The following ADK variants were observed in gnomAD, a reference collection of about 807,000 sequenced individuals.
ADK encodes the protein adenosine kinase.
A neutral mutation model predicts 44.7 loss-of-function variants in ADK; 24 were observed. The observed-to-expected ratio is 0.54, with a 90% CI of 0.39 to 0.76. The LOEUF is 0.76. ADK is among the 30% of genes least tolerant of loss of function. The probability of loss-of-function intolerance (pLI) is 0.00; values close to 1 mark genes in which losing one functional copy is unlikely to be tolerated. For missense variants in ADK, 321 were observed against 425.1 expected (o/e 0.76, Z 2.15); for synonymous variants, 128 against 142.6 (o/e 0.90, Z 0.73).
At chr10:74,230,100 C>G (rs1181540555) in intron 3 of ADK, among the ~76,000 whole-genome samples, 3 of 138,532 alleles carry the variant, frequency 2.2e-5, no homozygotes, top group African/African-American at 8.2e-5. Flanking sequence ...ATCTGTAAAG[C>G]TAATAGAAAA....
chr10:74,161,044 T>C (rs1373413672), intron 1 of ADK, among the ~76,000 whole-genome samples: 2 of 152,214 alleles, frequency 1.3e-5, no homozygotes, highest in African/African-American at 4.8e-5. Context: ...TGACTGTTTG[T>C]ACTTTATACT....
intron 10 of ADK, among the ~76,000 whole-genome samples, chr10:74,678,941 C>T (rs1855501879): frequency 6.6e-6 from 1 of 152,156 alleles, no homozygotes; most frequent in South Asian, 2.1e-4. Flanking sequence ...GCTTTTACTG[C>T]ATAACTAACC....
At chr10:74,678,330 T>C (rs1219575114) in intron 10 of ADK, among the ~76,000 whole-genome samples, 1 of 152,122 alleles carries the variant, frequency 6.6e-6, no homozygotes, top group Non-Finnish European at 1.5e-5. Context: ...TCATAAACAC[T>C]GTCTATGATT....
At chr10:74,601,604 C>T (rs1054215042) in intron 9 of ADK, among the ~76,000 whole-genome samples, 8 of 151,906 alleles carry the variant, frequency 5.3e-5, no homozygotes, top group Non-Finnish European at 1.0e-4. Context: ...TGAAGCTAGA[C>T]AGTGGATATA....
chr10:74,501,212 G>A (rs556713059), intron 6 of ADK, among the ~76,000 whole-genome samples: 1 of 152,286 alleles, frequency 6.6e-6, no homozygotes, highest in South Asian at 2.1e-4. Flanking sequence ...AAAAATCACT[G>A]TTTTGTGTTC....
chr10:74,673,152 G>T (rs1324028278), intron 10 of ADK, among the ~76,000 whole-genome samples: 2 of 152,186 alleles, frequency 1.3e-5, no homozygotes, highest in African/African-American at 2.4e-5. Flanking sequence ...AGGTAAGATT[G>T]TTGAGGAAAA....
At chr10:74,366,083 A>G (rs974553648) in intron 4 of ADK, among the ~76,000 whole-genome samples, 2 of 152,198 alleles carry the variant, frequency 1.3e-5, no homozygotes, top group African/African-American at 2.4e-5. Context: ...TAACCAAGAA[A>G]TACCTTTTAA....
chr10:74,359,028 G>A (rs1842235100), intron 4 of ADK, among the ~76,000 whole-genome samples: 1 of 151,842 alleles, frequency 6.6e-6, no homozygotes, highest in Non-Finnish European at 1.5e-5. Context: ...CTTGACTCCT[G>A]GCTTCAAGCA....
chr10:74,659,813 C>A (rs1339039861), intron 9 of ADK, among the ~76,000 whole-genome samples: 1 of 152,100 alleles, frequency 6.6e-6, no homozygotes, highest in Non-Finnish European at 1.5e-5. Context: ...TGTTTTTCTG[C>A]CTGCTTTATA....
rs35499084 is a variant in ADK at position 74,157,716 on chromosome 10, T to TAA, written c.65+6391_65+6392dup. Among the ~76,000 whole-genome samples the TAA allele has an allele frequency of 4.6e-3, 620 of 133,900 alleles. 2 individuals are homozygous for TAA. The highest frequency in any genetic ancestry group is 9.7e-3 in the African/African-American group (351 of 36,298). 87.8% of individuals were successfully genotyped at this position (133,900 alleles called of 152,430 possible). On this transcript the variant is annotated intron_variant, in intron 1 of 10. Coordinates refer to ENST00000539909, the MANE Select transcript of ADK (RefSeq NM_006721.4). ...CAACATGGAGAAACTCCATCTTTAC[T>TAA]AAAAAAAAAAAAAAAAAAATACAAA...
chr10:74,635,776 A>G (rs983844089), intron 9 of ADK, among the ~76,000 whole-genome samples: 2 of 152,106 alleles, frequency 1.3e-5, no homozygotes, highest in African/African-American at 2.4e-5. Flanking sequence ...TGTATGTGTC[A>G]TACCTCAATT....
chr10:74,201,006 G>A (rs1843357466), intron 2 of ADK, among the ~76,000 whole-genome samples, 168 bp downstream of exon 2: 1 of 152,158 alleles, frequency 6.6e-6, no homozygotes, highest in Non-Finnish European at 1.5e-5. Context: ...GAATAACTGA[G>A]TACAGTTTTC....
intron 3 of ADK, among the ~76,000 whole-genome samples, chr10:74,296,228 T>A (rs1236546848): frequency 6.6e-6 from 1 of 152,064 alleles, no homozygotes; most frequent in Non-Finnish European, 1.5e-5. Flanking sequence ...AGAAGACAAA[T>A]TACAAACTTG....
At chr10:74,516,365 A>G (rs11812834) in intron 6 of ADK, among the ~76,000 whole-genome samples, 4,540 of 151,982 alleles carry the variant, frequency 0.03, 194 homozygotes, top group African/African-American at 0.092. Context: ...TCTTCATTCT[A>G]TCAGTGCACC....
chr10:74,671,502 A>G (rs1045855282), intron 10 of ADK, among the ~76,000 whole-genome samples: 4 of 152,186 alleles, frequency 2.6e-5, no homozygotes, highest in Non-Finnish European at 4.4e-5. Flanking sequence ...ACAACATTCT[A>G]CTTCACTGTT....
intron 7 of ADK, among the ~76,000 whole-genome samples, chr10:74,528,450 A>G (rs1343079207): frequency 1.3e-5 from 2 of 151,930 alleles, no homozygotes; most frequent in Non-Finnish European, 2.9e-5. Context: ...TGATGATATC[A>G]AAACAATCTT....
intron 3 of ADK, among the ~76,000 whole-genome samples, chr10:74,306,401 C>G (rs1399707476): frequency 2.0e-5 from 3 of 152,158 alleles, no homozygotes; most frequent in African/African-American, 7.2e-5. Flanking sequence ...CCTTGGTAAT[C>G]CAGCCAGAGA....
Position 74,525,910 on chromosome 10 carries a change from C to A in ADK, c.726+484C>A, listed in dbSNP as rs554602368. On this transcript the variant is annotated intron_variant, in intron 7 of 10. Transcript: ENST00000539909. ...CCTCAGGTGATCTGATCGCCTCAGCCTCCCAAAGTGCTAGGATTACAGGTA... is the reference window on the plus strand; with the variant it reads ...CCTCAGGTGATCTGATCGCCTCAGCATCCCAAAGTGCTAGGATTACAGGTA... Among the ~76,000 whole-genome samples the A allele has an allele frequency of 3.3e-5, 5 of 152,276 alleles. No individual in the cohort carries two copies. In the East Asian group the frequency reaches 9.6e-4, roughly 29 times the overall value.
chr10:74,651,852 A>G (rs1037913536), intron 9 of ADK, among the ~76,000 whole-genome samples: 1 of 152,202 alleles, frequency 6.6e-6, no homozygotes, highest in Non-Finnish European at 1.5e-5. Flanking sequence ...ATGAATGTCA[A>G]AAACATTATG....
Sources: gnomAD v4.1 joint callset for allele counts (sites outside exome capture counted in the v4.1 genomes callset) on GRCh38, gnomAD v4.1.1 for gene constraint, MANE v1.5 for transcripts, NCBI Gene and HGNC (gene_info 2026-07-23, HGNC 2026-07-21) for gene names.